IP6K1: variants seen among roughly 807,000 people sequenced by gnomAD.
The protein encoded by IP6K1 is inositol hexakisphosphate kinase 1.
In IP6K1, 13 loss-of-function variants were observed where a neutral mutation model predicts 38.3. That is an observed-to-expected ratio of 0.34 (90% CI 0.22 to 0.54). The LOEUF (loss-of-function observed/expected upper bound fraction) is 0.54, where lower values mean the gene tolerates loss of function less well. Ranked by LOEUF, IP6K1 falls within the 20% of genes least tolerant of loss-of-function variation. IP6K1 has a pLI of 0.92. For missense variants in IP6K1, 397 were observed against 599.8 expected (o/e 0.66, Z 3.53); for synonymous variants, 212 against 229.9 (o/e 0.92, Z 0.70).
intron 1 of IP6K1, among the ~76,000 whole-genome samples, chr3:49,760,971 G>C (rs2080863030): frequency 6.6e-6 from 1 of 152,196 alleles, no homozygotes; most frequent in African/African-American, 2.4e-5. Flanking sequence ...ATGCTATACT[G>C]ATTCAGCTAA....
At chr3:49,739,520 A>AT (rs1489609099) in intron 2 of IP6K1, among the ~76,000 whole-genome samples, 4 of 151,172 alleles carry the variant, frequency 2.6e-5, no homozygotes, top group Non-Finnish European at 5.9e-5. Flanking sequence ...TGCCTGGCTA[A>AT]TTTTTTTGTA....
chr3:49,765,579 A>G (rs2080903987), intron 1 of IP6K1, among the ~76,000 whole-genome samples: 1 of 150,806 alleles, frequency 6.6e-6, no homozygotes, highest in South Asian at 2.1e-4. Context: ...GAACATGGGA[A>G]TCAGAGGTTG....
rs1041419564 is a variant in IP6K1, at chr3:49,727,744, T to G, written c.793-89A>C. Reference sequence around the variant, plus strand: ...GGCAAACACTGTCTGGAAGGGACTTTGACCAACCTGAGCTTTTCTGCTCAC... The same window carrying G: ...GGCAAACACTGTCTGGAAGGGACTTGGACCAACCTGAGCTTTTCTGCTCAC... On this transcript the variant is annotated intron_variant, in intron 5 of 5. Transcript: ENST00000321599. The surrounding 1 kb of genome is among the most constrained non-coding windows in gnomAD (Gnocchi z 5.9). 2 of 1,345,624 alleles carry G rather than the reference T, an allele frequency of 1.5e-6. No individual in the cohort carries two copies. Among genetic ancestry groups the G allele is most frequent in the Non-Finnish European group, 1.0e-6 (1 of 983,144 alleles). 83.4% of individuals were successfully genotyped at this position (1,345,624 alleles called of 1,614,324 possible).
chr3:49,773,014 C>T (rs922960957), intron 1 of IP6K1, among the ~76,000 whole-genome samples: 1 of 151,718 alleles, frequency 6.6e-6, no homozygotes, highest in Non-Finnish European at 1.5e-5. Flanking sequence ...GGTAGATAAG[C>T]GGGCCTTGCT....
At chr3:49,739,352 G>A (rs1057340161) in intron 2 of IP6K1, among the ~76,000 whole-genome samples, 1 of 126,446 alleles carries the variant, frequency 7.9e-6, no homozygotes, top group African/African-American at 2.8e-5. Flanking sequence ...TTGGCTTAAA[G>A]TTCTTTTTTT....
chr3:49,773,480 G>C (rs1009852726), intron 1 of IP6K1, among the ~76,000 whole-genome samples: 1 of 152,048 alleles, frequency 6.6e-6, no homozygotes, highest in African/African-American at 2.4e-5. Flanking sequence ...GCGTGGTGGC[G>C]GGCGCCTGTA....
At chr3:49,744,022 TG>T (rs1271796767) in intron 2 of IP6K1, among the ~76,000 whole-genome samples, 4 of 152,144 alleles carry the variant, frequency 2.6e-5, no homozygotes. Context: ...TAATGCCTAA[TG>T]GTGTGTGCTG....
Position 49,757,477 on chromosome 3 carries a change from A to C in IP6K1, c.-128-9309T>G, listed in dbSNP as rs150008161. ...GGTGGCTCACACCTGTAATCTTAGC[A>C]CTTTGGGAGGCTGAGATGTGTGGAT... On this transcript the variant is annotated intron_variant, in intron 1 of 5. Coordinates refer to ENST00000321599, the MANE Select transcript of IP6K1 (RefSeq NM_153273.4). Among the ~76,000 whole-genome samples, 1,384 of 152,248 alleles carry C rather than the reference A, an allele frequency of 9.1e-3. 19 individuals are homozygous for C. Among genetic ancestry groups the C allele is most frequent in the African/African-American group, 0.032 (1,328 of 41,532 alleles).
intron 1 of IP6K1, among the ~76,000 whole-genome samples, chr3:49,764,163 C>T (rs775858921): frequency 2.6e-5 from 4 of 151,882 alleles, no homozygotes; most frequent in Non-Finnish European, 5.9e-5. Context: ...GAGAGGATCA[C>T]TTGAGCCCAG....
intron 1 of IP6K1, among the ~76,000 whole-genome samples, chr3:49,775,881 A>G (rs2081004283): frequency 6.6e-6 from 1 of 151,966 alleles, no homozygotes; most frequent in Non-Finnish European, 1.5e-5. Flanking sequence ...AGAAGCAAAG[A>G]TCTGTTCTCC....
chr3:49,741,818 C>T (rs1248399070), intron 2 of IP6K1, among the ~76,000 whole-genome samples: 2 of 152,194 alleles, frequency 1.3e-5, no homozygotes, highest in Non-Finnish European at 2.9e-5. Context: ...AGCCCTGCTT[C>T]CAGATAGGTG....
intron 1 of IP6K1, among the ~76,000 whole-genome samples, chr3:49,780,309 T>TAAACACACACACACACACACAC (rs1553697560): frequency 8.5e-6 from 1 of 117,546 alleles, no homozygotes; most frequent in East Asian, 3.4e-4. Flanking sequence ...TCATCTTTCA[T>TAAACACACACACACACACACAC]ACACACACAC....
At chr3:49,766,061 A>G (rs2080908891) in intron 1 of IP6K1, among the ~76,000 whole-genome samples, 1 of 152,096 alleles carries the variant, frequency 6.6e-6, no homozygotes, top group African/African-American at 2.4e-5. Flanking sequence ...CTGTAGTCCC[A>G]GCTACTTGGA....
intron 1 of IP6K1, among the ~76,000 whole-genome samples, chr3:49,769,094 A>G (rs973517984): frequency 6.6e-6 from 1 of 152,194 alleles, no homozygotes; most frequent in African/African-American, 2.4e-5. Flanking sequence ...AAACAATGAA[A>G]TAATGTAGCA....
chr3:49,766,197 A>G (rs925526515), intron 1 of IP6K1, among the ~76,000 whole-genome samples: 14 of 151,806 alleles, frequency 9.2e-5, no homozygotes, highest in South Asian at 2.1e-4. Context: ...AACAAAAACA[A>G]AAACAAAAAG....
chr3:49,747,715 AG>A, intron 2 of IP6K1, 102 bp downstream of exon 2: 1 of 1,466,338 alleles, frequency 6.8e-7, no homozygotes, highest in Non-Finnish European at 9.2e-7. Flanking sequence ...TTGAGAAAAA[AG>A]ACCTACAATG....
chr3:49,768,828 T>C (rs2080932830), intron 1 of IP6K1, among the ~76,000 whole-genome samples: 1 of 151,852 alleles, frequency 6.6e-6, no homozygotes, highest in African/African-American at 2.4e-5. Context: ...ATTAAGAACG[T>C]ACAAGGGGCT....
At chr3:49,749,280 G>A (rs1210477788) in intron 1 of IP6K1, among the ~76,000 whole-genome samples, 8 of 152,136 alleles carry the variant, frequency 5.3e-5, no homozygotes, top group Non-Finnish European at 2.9e-5. Flanking sequence ...TTAAATCTAT[G>A]GTTGTCAATT....
chr3:49,768,341 A>C (rs2080929242), intron 1 of IP6K1, among the ~76,000 whole-genome samples: 1 of 152,258 alleles, frequency 6.6e-6, no homozygotes, highest in African/African-American at 2.4e-5. Flanking sequence ...CATACAGTGA[A>C]ATATTATTCA....
Sources: allele counts gnomAD v4.1 joint callset (sites outside exome capture counted in the v4.1 genomes callset), GRCh38; gene constraint gnomAD v4.1.1; non-coding constraint Gnocchi (gnomAD v3.1); transcripts MANE v1.5; gene names NCBI Gene and HGNC (gene_info 2026-07-23, HGNC 2026-07-21).